The following MAGI3 variants were observed in gnomAD, a reference collection of about 807,000 sequenced individuals.
MAGI3 encodes the protein membrane associated guanylate kinase, WW and PDZ domain containing 3.
In MAGI3, 43 loss-of-function variants were observed where a neutral mutation model predicts 121.8. The observed-to-expected ratio is 0.35, with a 90% CI of 0.28 to 0.46. The LOEUF (loss-of-function observed/expected upper bound fraction) is 0.46, where lower values mean the gene tolerates loss of function less well. Among genes scored for constraint, MAGI3 ranks in the 20% least tolerant of loss-of-function variants. The pLI is 1.00. For missense variants in MAGI3, 1,547 were observed against 1,797.3 expected, an observed-to-expected ratio of 0.86 and a Z score of 2.52; for synonymous variants, 553 against 639.3, an observed-to-expected ratio of 0.86 and a Z score of 2.04.
chr1:113,568,200 A>G (rs1557827804), intron 2 of MAGI3, among the ~76,000 whole-genome samples: 2 of 152,086 alleles, frequency 1.3e-5, no homozygotes, highest in Admixed American at 1.3e-4. Flanking sequence ...TATTGTAGGT[A>G]AATTATTTCT....
chr1:113,472,597 G>GT (rs1001954126), intron 1 of MAGI3, among the ~76,000 whole-genome samples: 27 of 146,744 alleles, frequency 1.8e-4, no homozygotes, highest in East Asian at 6.0e-4. Context: ...GAATTTGATA[G>GT]TTTTTTTTTT....
chr1:113,464,091 G>T (rs1655160941), intron 1 of MAGI3, among the ~76,000 whole-genome samples: 1 of 152,000 alleles, frequency 6.6e-6, no homozygotes, highest in Non-Finnish European at 1.5e-5. Flanking sequence ...CAAAGAGTAG[G>T]TCTTATTTCT....
chr1:113,428,883 AATCACTT>A (rs1653155625), intron 1 of MAGI3, among the ~76,000 whole-genome samples: 1 of 152,206 alleles, frequency 6.6e-6, no homozygotes, highest in Non-Finnish European at 1.5e-5. Flanking sequence ...CCAGTAACTG[AATCACTT>A]ATCAGTTCTT....
intron 2 of MAGI3, among the ~76,000 whole-genome samples, chr1:113,579,814 A>G (rs1007460624): frequency 1.3e-5 from 2 of 152,084 alleles, no homozygotes; most frequent in African/African-American, 4.8e-5. Flanking sequence ...GAGTGCTATT[A>G]CTGAATAGGG....
At chr1:113,668,749 AT>A (rs1647330771) in intron 16 of MAGI3, among the ~76,000 whole-genome samples, 1 of 150,870 alleles carries the variant, frequency 6.6e-6, no homozygotes, top group Non-Finnish European at 1.5e-5. Context: ...CGCCCGGCTA[AT>A]TTTTTGTATT....
intron 1 of MAGI3, among the ~76,000 whole-genome samples, chr1:113,534,138 G>A (rs567025450): frequency 5.9e-5 from 9 of 152,164 alleles, no homozygotes; most frequent in South Asian, 2.1e-4. Context: ...TTTCTGCTGC[G>A]CTGATTCTTC....
chr1:113,540,963 A>G (rs567822302), intron 1 of MAGI3, among the ~76,000 whole-genome samples: 1 of 152,328 alleles, frequency 6.6e-6, no homozygotes, highest in African/African-American at 2.4e-5. Context: ...ATATATTTTT[A>G]GTTTGGTAGA....
chr1:113,550,511 T>C (rs1286225223), intron 2 of MAGI3, among the ~76,000 whole-genome samples: 8 of 151,714 alleles, frequency 5.3e-5, no homozygotes, highest in Non-Finnish European at 1.0e-4. Flanking sequence ...ATCCCAGCAC[T>C]TTGGGAGGCT....
In MAGI3 at chr1:113,391,194, G is replaced by A; in HGVS notation, c.161G>A (p.Gly54Glu). The change falls in exon 1 of 21, where the codon GGG becomes GAG. Residue 54 changes from glycine (G) to glutamate (E), a missense_variant. Physicochemically the swap from Gly to Glu is moderately conservative, Grantham distance 98. Transcript: ENST00000307546. The surrounding 1 kb of genome is among the most constrained non-coding windows in gnomAD (Gnocchi z 4.4). Reference protein sequence around the residue: ...YLGRLREEPGGGTCCVVSGKA... With the variant: ...YLGRLREEPGEGTCCVVSGKA... ...GGGCGGCTCCGCGAGGAGCCCGGCG[G>A]GGGCACCTGCTGCGTCGTCTCGGGC... 1 of 1,551,958 alleles carries A rather than the reference G, an allele frequency of 6.4e-7. No individual in the cohort carries two copies. Among genetic ancestry groups the A allele is most frequent in the East Asian group, 2.4e-5 (1 of 41,230 alleles).
At chr1:113,590,451 C>A in intron 4 of MAGI3, 33 bp from the exon 5 acceptor site, 4 of 1,607,278 alleles carry the variant, frequency 2.5e-6, no homozygotes, top group Non-Finnish European at 3.4e-6. Context: ...ACTTTACCCA[C>A]TTTTCACACC....
intron 1 of MAGI3, among the ~76,000 whole-genome samples, chr1:113,425,343 C>T (rs1652952486): frequency 2.4e-5 from 3 of 125,518 alleles, no homozygotes; most frequent in Admixed American, 9.8e-5. Flanking sequence ...AGTGCAGTGG[C>T]GCGATCTCAG....
At chr1:113,616,096 A>G (rs1037179314) in intron 7 of MAGI3, among the ~76,000 whole-genome samples, 3 of 152,342 alleles carry the variant, frequency 2.0e-5, no homozygotes, top group Admixed American at 6.5e-5. Flanking sequence ...TTTGCCTGTT[A>G]TAAAACCTTG....
intron 2 of MAGI3, among the ~76,000 whole-genome samples, chr1:113,565,391 C>A (rs1239715405): frequency 6.6e-6 from 1 of 152,000 alleles, no homozygotes; most frequent in Non-Finnish European, 1.5e-5. Flanking sequence ...TTTGATTTTG[C>A]CGTTGAAATC....
rs770455774 is a variant in MAGI3 at position 113,641,912 on chromosome 1, C to A, written c.1362C>A (p.Gly454=). The A allele has an allele frequency of 1.9e-6, 3 of 1,546,724 alleles. No homozygotes were observed. Among genetic ancestry groups the A allele is most frequent in the Middle Eastern group, 1.7e-4 (1 of 5,788 alleles). ...TTTAACATGATTATGTTTTTCCAGGCGATGTTATTGTAGACATCAATGGCA... is the reference window on the plus strand; with the variant it reads ...TTTAACATGATTATGTTTTTCCAGGAGATGTTATTGTAGACATCAATGGCA... The part of the protein sequence containing the change: ...PAAQDGKIAP[G]DVIVDINGNC... Residue 454 remains glycine (G), a splice_region_variant and synonymous_variant, in exon 10 of 21, where the codon GGC becomes GGA. Coordinates refer to ENST00000307546, the MANE Select transcript of MAGI3 (RefSeq NM_001142782.2).
intron 1 of MAGI3, among the ~76,000 whole-genome samples, chr1:113,410,625 A>C (rs1309748018): frequency 6.6e-6 from 1 of 151,858 alleles, no homozygotes; most frequent in East Asian, 1.9e-4. Flanking sequence ...GCAGTGTTAG[A>C]TCTTGTAGCC....
chr1:113,646,224 C>A (rs1652825033), intron 11 of MAGI3, among the ~76,000 whole-genome samples: 1 of 151,690 alleles, frequency 6.6e-6, no homozygotes. Flanking sequence ...GAGAAAAGGG[C>A]AAAATTGTTT....
chr1:113,437,036 T>A (rs1328056041), intron 1 of MAGI3, among the ~76,000 whole-genome samples: 1 of 151,872 alleles, frequency 6.6e-6, no homozygotes, highest in Non-Finnish European at 1.5e-5. Flanking sequence ...GGATGGTCTC[T>A]ATCTCCTGAG....
At chr1:113,492,935 GGAA>G (rs1461545437) in intron 1 of MAGI3, among the ~76,000 whole-genome samples, 8 of 152,152 alleles carry the variant, frequency 5.3e-5, no homozygotes, top group Non-Finnish European at 1.2e-4. Flanking sequence ...CTCATGGATA[GGAA>G]GAATATTGCT....
At chr1:113,430,029 T>C (rs1653222618) in intron 1 of MAGI3, among the ~76,000 whole-genome samples, 4 of 152,160 alleles carry the variant, frequency 2.6e-5, no homozygotes, top group Admixed American at 2.6e-4. Flanking sequence ...TTCCTTTATC[T>C]GCACCTCTGC....
Sources: gnomAD v4.1 joint callset for allele counts (sites outside exome capture counted in the v4.1 genomes callset) on GRCh38, gnomAD v4.1.1 for gene constraint, Gnocchi (gnomAD v3.1) non-coding constraint, MANE v1.5 for transcripts, NCBI Gene and HGNC (gene_info 2026-07-23, HGNC 2026-07-21) for gene names.